The following CIB1 variants were observed in gnomAD, a reference collection of about 807,000 sequenced individuals.
CIB1 encodes calcium and integrin binding 1.
In CIB1, 19 loss-of-function variants were observed where a neutral mutation model predicts 25.0. The observed-to-expected ratio is 0.76, with a 90% CI of 0.53 to 1.12. The LOEUF is 1.12. Among genes scored for constraint, CIB1 ranks in the 50% most tolerant of loss-of-function variants. The pLI, the probability that CIB1 is intolerant of heterozygous loss-of-function variation, is 0.00. For missense variants in CIB1, 236 were observed against 242.6 expected (o/e 0.97, Z 0.18); for synonymous variants, 104 against 98.5 (o/e 1.06, Z -0.33).
the CIB1 span, chr15:90,264,773 G>A: frequency 6.5e-7 from 1 of 1,536,112 alleles, no homozygotes; most frequent in South Asian, 1.2e-5. Flanking sequence ...GGCAGGATCA[G>A]TGCCACCCAC....
the CIB1 span, among the ~76,000 whole-genome samples, chr15:90,256,746 C>G: frequency 3.3e-5 from 5 of 151,214 alleles, no homozygotes; most frequent in African/African-American, 1.2e-4. Flanking sequence ...TGGAGTGCAG[C>G]GGCACGATCT....
At chr15:90,250,433 A>T in the CIB1 span, among the ~76,000 whole-genome samples, 41,905 of 151,850 alleles carry the variant, frequency 0.28, 6,672 homozygotes, top group East Asian at 0.69. Flanking sequence ...GGTGTCTTCC[A>T]CCCCCATGCA....
chr15:90,259,143 G>A, the CIB1 span: 2 of 1,119,416 alleles, frequency 1.8e-6, no homozygotes, highest in African/African-American at 1.6e-5. Flanking sequence ...CAGGAGGATT[G>A]CTTGAGCCCT....
the CIB1 span, chr15:90,250,601 C>A: frequency 6.2e-7 from 1 of 1,601,860 alleles, no homozygotes; most frequent in Middle Eastern, 1.7e-4. Context: ...CACTTCATTC[C>A]CACCCCGCAA....
chr15:90,251,436 T>A, the CIB1 span: 1 of 1,104,474 alleles, frequency 9.1e-7, no homozygotes, highest in African/African-American at 1.6e-5. Context: ...TCCTGGTCTG[T>A]CTTTTAAGTG....
chr15:90,254,901 G>T, the CIB1 span, among the ~76,000 whole-genome samples: 23 of 152,316 alleles, frequency 1.5e-4, no homozygotes, highest in African/African-American at 5.5e-4. Flanking sequence ...CATTTACTGA[G>T]GGCTTACTGT....
At chr15:90,256,221 G>A in the CIB1 span, 17 of 1,614,074 alleles carry the variant, frequency 1.1e-5, no homozygotes, top group East Asian at 2.2e-4. Flanking sequence ...TGTCAGGGAC[G>A]TGGCATCTTC....
chr15:90,230,693 C>A (rs1160387485), intron 6 of CIB1, among the ~76,000 whole-genome samples, 188 bp from the exon 7 acceptor site: 1 of 151,924 alleles, frequency 6.6e-6, no homozygotes, highest in Admixed American at 6.5e-5. Context: ...GTCAGAGCTT[C>A]TAAACCTTTA....
At chr15:90,262,794 A>T in the CIB1 span, 1 of 1,222,948 alleles carries the variant, frequency 8.2e-7, no homozygotes, top group Non-Finnish European at 1.1e-6. Context: ...CCTAATCAGT[A>T]AATTGAATCC....
chr15:90,256,300 G>A, the CIB1 span: 2 of 1,614,020 alleles, frequency 1.2e-6, no homozygotes, highest in South Asian at 2.2e-5. Flanking sequence ...TCTCCAAGGT[G>A]AAGGATGCCT....
At chr15:90,264,819 A>T in the CIB1 span, 1 of 1,536,144 alleles carries the variant, frequency 6.5e-7, no homozygotes, top group Non-Finnish European at 8.7e-7. Flanking sequence ...CTGCAACCGG[A>T]AAGAGTGGCA....
Position 90,232,294 on chromosome 15 carries a change from C to T in CIB1, c.120G>A (p.Gln40=). The T allele has an allele frequency of 6.2e-7, 1 of 1,611,614 alleles. No individual in the cohort carries two copies. ...AHRRFCELLP[Q]EQRSVESSLR... ...GTGACGACTCCACGCTCCGCTGCTC[C>T]TGGGGAAGCAGCTCACAAAACCGCC... Residue 40 remains glutamine, a synonymous_variant, in exon 3 of 7, where the codon CAG becomes CAA. Transcript: ENST00000328649.
At chr15:90,262,287 C>A in the CIB1 span, 2 of 1,307,802 alleles carry the variant, frequency 1.5e-6, no homozygotes, top group Non-Finnish European at 1.0e-6. Flanking sequence ...CAGACACCAG[C>A]AAAGAGGAAT....
At chr15:90,255,965 G>C in the CIB1 span, 8 of 1,603,420 alleles carry the variant, frequency 5.0e-6, no homozygotes, top group Non-Finnish European at 6.0e-6. Flanking sequence ...TTGTGACCTA[G>C]GAATGTCTCA....
At chr15:90,250,228 G>C in the CIB1 span, among the ~76,000 whole-genome samples, 3 of 152,076 alleles carry the variant, frequency 2.0e-5, no homozygotes, top group African/African-American at 7.2e-5. Context: ...CAACGTGCTG[G>C]GCCGATTCAG....
chr15:90,251,459 A>C, the CIB1 span: 1 of 1,300,220 alleles, frequency 7.7e-7, no homozygotes, highest in Non-Finnish European at 1.1e-6. Context: ...TTCTAGAGAA[A>C]AGGAATTGTG....
intron 1 of CIB1, 36 bp from the exon 2 acceptor site, chr15:90,233,739 G>A (rs1366220802): frequency 6.4e-7 from 1 of 1,559,956 alleles, no homozygotes; most frequent in Middle Eastern, 1.8e-4. Flanking sequence ...TTAGCGGACC[G>A]CTGGGAGGCC....
At chr15:90,258,075 A>G in the CIB1 span, 2 of 1,614,238 alleles carry the variant, frequency 1.2e-6, no homozygotes, top group South Asian at 2.2e-5. Flanking sequence ...GCAAGAGCAC[A>G]GCTACAACCC....
chr15:90,233,578 G>T, intron 2 of CIB1, 91 bp downstream of exon 2: 1 of 1,487,942 alleles, frequency 6.7e-7, no homozygotes. Context: ...GCAGACCTCA[G>T]GCCAGCCCCC....
Sources: allele counts gnomAD v4.1 joint callset (sites outside exome capture counted in the v4.1 genomes callset), GRCh38; gene constraint gnomAD v4.1.1; transcripts MANE v1.5; gene names NCBI Gene and HGNC (gene_info 2026-07-23, HGNC 2026-07-21).